TTN: variants seen among roughly 807,000 people sequenced by gnomAD.
TTN encodes connectin.
Under a neutral mutation model 3,223.0 loss-of-function variants are expected in TTN, and 1,525 were observed. The observed-to-expected ratio is 0.47, with a 90% confidence interval of 0.45 to 0.49. The LOEUF (loss-of-function observed/expected upper bound fraction) is 0.49, where lower values mean the gene tolerates loss of function less well. Ranked by LOEUF, TTN falls within the 20% of genes least tolerant of loss-of-function variation. The pLI, the probability that TTN is intolerant of heterozygous loss-of-function variation, is 0.00. For missense variants in TTN, 40,786 were observed against 43,424.0 expected, an observed-to-expected ratio of 0.94 and a Z score of 5.40; for synonymous variants, 14,094 against 15,161.0, an observed-to-expected ratio of 0.93 and a Z score of 5.17.
chr2:178,785,104 G>C (rs975764123), intron 15 of TTN, among the ~76,000 whole-genome samples: 6 of 152,130 alleles, frequency 3.9e-5, no homozygotes, highest in African/African-American at 1.4e-4. Flanking sequence ...GGAGAAGATA[G>C]GGCACTAATC....
At position 178,564,967 on chromosome 2, in the gene TTN, T is replaced by G; in HGVS notation, c.81165A>C (p.Lys27055Asn). The G allele has an allele frequency of 6.2e-7, 1 of 1,612,076 alleles. No homozygotes were observed. The highest frequency in any genetic ancestry group is 2.2e-5 in the East Asian group (1 of 44,834). The change falls in exon 326 of 363, where the codon AAA (lysine) becomes AAC (asparagine). Residue 27055 changes from lysine to asparagine, a missense_variant. Physicochemically the swap from Lys to Asn is moderately conservative, Grantham distance 94. Transcript: ENST00000589042. ...FRIFAENRYG[K>N]SAPLDSKAVI... is the part of the protein sequence containing the mutation. ...CTGCCTTAGAATCCAGTGGGGCACT[T>G]TTTCCATACCTGTTTTCAGCAAAAA...
Position 178,559,292 on chromosome 2 carries a change from C to T in TTN, c.86821+19G>A. The stretch of plus-strand genomic sequence containing the variant: ...AAATTAACGTGGATATGTAGAATTT[C>T]CTTATTCTTAAAACATACCTGTTAT... On this transcript the variant is annotated intron_variant, in intron 326 of 362. Transcript: ENST00000589042. 6.5e-7 allele frequency: 1 copy of T among 1,548,910 alleles called. No individual in the cohort carries two copies. Among genetic ancestry groups the T allele is most frequent in the Non-Finnish European group, 8.7e-7 (1 of 1,148,508 alleles).
At position 178,534,519 on chromosome 2, in the gene TTN, A is replaced by G. The variant is rs771155641; in HGVS notation, c.102096T>C (p.Tyr34032=). 2.5e-6 allele frequency: 4 copies of G among 1,613,758 alleles called. No individual in the cohort carries two copies. Among genetic ancestry groups the G allele is most frequent in the Admixed American group, 1.7e-5 (1 of 59,996 alleles). Residue 34032 remains tyrosine, a synonymous_variant, in exon 358 of 363, where the codon TAT becomes TAC. Transcript: ENST00000589042. The part of the protein sequence containing the change: ...QIIENIMNAE[Y]TFDEEAFKEI... Reference sequence around the variant, plus strand: ...CTTTGAATGCTTCCTCATCGAAAGTATATTCAGCATTCATGATATTCTCAA... The same window carrying G: ...CTTTGAATGCTTCCTCATCGAAAGTGTATTCAGCATTCATGATATTCTCAA...
intron 99 of TTN, among the ~76,000 whole-genome samples, chr2:178,709,073 G>A (rs1244499033): frequency 6.6e-6 from 1 of 151,998 alleles, no homozygotes; most frequent in African/African-American, 2.4e-5. Context: ...TTTTGTCTGG[G>A]ATTAATATTT....
At chr2:178,804,723 A>G (rs2094232008) in intron 1 of TTN, 68 bp from the exon 2 acceptor site, 6 of 1,409,352 alleles carry the variant, frequency 4.3e-6, no homozygotes, top group Middle Eastern at 2.3e-4. Context: ...CTTTGCAGAT[A>G]GCAGAGACAC....
In TTN at chr2:178,582,389, C is replaced by G. The variant is rs1060500452; in HGVS notation, c.66067G>C (p.Gly22023Arg). 5 of 1,612,756 alleles carry G rather than the reference C, an allele frequency of 3.1e-6. No individual in the cohort carries two copies. In the South Asian group the frequency reaches 5.5e-5, roughly 18 times the overall value. The change falls in exon 314 of 363, where the codon GGC becomes CGC. Residue 22023 changes from glycine (G) to arginine (R), a missense_variant. Coordinates refer to ENST00000589042, the MANE Select transcript of TTN (RefSeq NM_001267550.2). ...CAAATACGGAACTGATACTCATGGC[C>G]CTCTATAAGTTTCTCCACGCTGCAG... ...TSCSVEKLIE[G>R]HEYQFRICAE...
At chr2:178,790,938 TTAG>T in intron 10 of TTN, 93 bp from the exon 11 acceptor site, 1 of 1,470,914 alleles carries the variant, frequency 6.8e-7, no homozygotes, top group Non-Finnish European at 9.4e-7. Context: ...TACAGGATGC[TTAG>T]TGGTGAACGA....
rs753211312 is a variant in TTN, at chr2:178,642,230, A to G, written c.40558+7T>C. On this transcript the variant is annotated splice_region_variant and intron_variant, in intron 219 of 362. Coordinates refer to ENST00000589042, the MANE Select transcript of TTN (RefSeq NM_001267550.2). ...AACGCTGACAGAATGGTTGAAAAAT[A>G]CTATACCGCTTTTCAGAACAACTTC... 1 of 1,574,430 alleles carries G rather than the reference A, an allele frequency of 6.4e-7. No homozygotes were observed. The highest frequency in any genetic ancestry group is 8.6e-7 in the Non-Finnish European group (1 of 1,158,338).
At chr2:178,760,564 G>T (rs1162538287) in intron 43 of TTN, among the ~76,000 whole-genome samples, 1 of 152,158 alleles carries the variant, frequency 6.6e-6, no homozygotes, top group Non-Finnish European at 1.5e-5. Context: ...CAACTTGTCA[G>T]CTGTGTGGCC....
At position 178,531,832 on chromosome 2, in the gene TTN, T is replaced by C. The variant is rs1470980085; in HGVS notation, c.104783A>G (p.Tyr34928Cys). ...LKTQKTSERK[Y>C]EVLSQQPFTL... is the part of the protein sequence containing the mutation. The stretch of plus-strand genomic sequence containing the variant: ...GAAAGGCTGCTGACTCAAAACTTCA[T>C]ACTTCCTTTCTGATGTCTTCTGAGT... Residue 34928 changes from tyrosine (Y) to cysteine (C), a missense_variant, in exon 358 of 363, where the codon TAT becomes TGT. Physicochemically the swap from Tyr to Cys is radical, Grantham distance 194. Coordinates refer to ENST00000589042, the MANE Select transcript of TTN (RefSeq NM_001267550.2). The C allele has an allele frequency of 2.5e-6, 4 of 1,613,930 alleles. No individual in the cohort carries two copies. Among genetic ancestry groups the C allele is most frequent in the African/African-American group, 2.7e-5 (2 of 75,050 alleles).
chr2:178,668,672 C>T (rs1334960500), intron 159 of TTN, among the ~76,000 whole-genome samples: 2 of 149,252 alleles, frequency 1.3e-5, no homozygotes, highest in African/African-American at 2.5e-5. Flanking sequence ...ACGGAGGTTG[C>T]AGTGAGCCAA....
Position 178,589,320 on chromosome 2 carries a change from G to A in TTN, c.62405C>T (p.Ala20802Val), listed in dbSNP as rs1285688683. 1 of 1,612,726 alleles carries A rather than the reference G, an allele frequency of 6.2e-7. No individual in the cohort carries two copies. The highest frequency in any genetic ancestry group is 1.7e-5 in the Admixed American group (1 of 59,920). ...TGTAGCGTCTTTGTCCTTGGTCCAT[G>A]CAACTTCTGGGAATGGTTTGCCTCT... is the stretch of plus-strand genomic sequence containing the variant. ...GVRGKPFPEV[A>V]WTKDKDATDL... The change falls in exon 304 of 363, where the codon GCA (alanine) becomes GTA (valine). Residue 20802 changes from alanine to valine, a missense_variant. Physicochemically the swap from Ala to Val is moderately conservative, Grantham distance 64 (BLOSUM62 0). Coordinates refer to ENST00000589042, the MANE Select transcript of TTN (RefSeq NM_001267550.2).
In TTN at chr2:178,617,172, A is replaced by G; in HGVS notation, c.47823T>C (p.Gly15941=). 6.2e-7 allele frequency: 1 copy of G among 1,601,852 alleles called. No individual in the cohort carries two copies. The highest frequency in any genetic ancestry group is 8.5e-7 in the Non-Finnish European group (1 of 1,173,650). ...LYRVSAENKA[G]VSDPSEILGP... The stretch of plus-strand genomic sequence containing the variant: ...CAAGAATTTCAGATGGATCTGAAAC[A>G]CCAGCTTTATTTTCTGCAGATACTC... The change falls in exon 255 of 363, where the codon GGT becomes GGC. Residue 15941 remains glycine, a synonymous_variant. Coordinates refer to ENST00000589042, the MANE Select transcript of TTN (RefSeq NM_001267550.2).
At chr2:178,752,735 C>T (rs1047733499) in intron 47 of TTN, among the ~76,000 whole-genome samples, 5 of 152,056 alleles carry the variant, frequency 3.3e-5, no homozygotes, top group South Asian at 2.1e-4. Flanking sequence ...CATGACATTG[C>T]ATTCTGAGAA....
chr2:178,766,996 T>G (rs986105272), intron 40 of TTN, among the ~76,000 whole-genome samples: 1 of 152,224 alleles, frequency 6.6e-6, no homozygotes, highest in Non-Finnish European at 1.5e-5. Flanking sequence ...ATAATAACTT[T>G]GTGGGCTAGG....
chr2:178,630,999 T>C, intron 237 of TTN, 35 bp downstream of exon 237: 2 of 1,612,066 alleles, frequency 1.2e-6, no homozygotes, highest in South Asian at 1.1e-5. Flanking sequence ...ATAACCCCAA[T>C]GCTTCAAGAG....
intron 344 of TTN, among the ~76,000 whole-genome samples, chr2:178,545,105 T>C (rs1279671837): frequency 5.9e-5 from 9 of 152,214 alleles, no homozygotes; most frequent in Admixed American, 5.9e-4. Context: ...AATGCATTTT[T>C]CTCTAAGGAA....
chr2:178,630,241 G>T lies in TTN; in HGVS notation c.44281C>A (p.Pro14761Thr), dbSNP rs192766485. 1.2e-6 allele frequency: 2 copies of T among 1,612,466 alleles called. No individual in the cohort carries two copies. Among genetic ancestry groups the T allele is most frequent in the Admixed American group, 1.7e-5 (1 of 59,864 alleles). The stretch of plus-strand genomic sequence containing the variant: ...TCCCTGAAAAATATACAATACTTAC[G>T]CTTAACTCGGAGGTGGGCACTAGAT... ...VKSSAHLRVK[P>T]RVIGLLRPLK... is the part of the protein sequence containing the mutation. The change falls in exon 239 of 363, where the codon CCA (proline) becomes ACA (threonine). Residue 14761 changes from proline to threonine, a missense_variant and splice_region_variant. Transcript: ENST00000589042.
rs768987204 is a variant in TTN at position 178,551,795 on chromosome 2, T to C, written c.91105A>G (p.Ile30369Val). Residue 30369 changes from isoleucine (I) to valine (V), a missense_variant, in exon 335 of 363, where the codon ATC (isoleucine) becomes GTC (valine). Ile to Val is a conservative substitution (Grantham distance 29). Coordinates refer to ENST00000589042, the MANE Select transcript of TTN (RefSeq NM_001267550.2). ...FHVEKKERNS[I>V]LWQKVNTSPI... ...GATGTATTAACTTTTTGCCAGAGGATGCTATTTCTTTCTTTCTTTTCAACA... is the reference window on the plus strand; with the variant it reads ...GATGTATTAACTTTTTGCCAGAGGACGCTATTTCTTTCTTTCTTTTCAACA... 1 of 1,613,858 alleles carries C rather than the reference T, an allele frequency of 6.2e-7. No individual in the cohort carries two copies. The highest frequency in any genetic ancestry group is 8.5e-7 in the Non-Finnish European group (1 of 1,179,812).
Sources: gnomAD v4.1 joint callset for allele counts (sites outside exome capture counted in the v4.1 genomes callset) on GRCh38, gnomAD v4.1.1 for gene constraint, MANE v1.5 for transcripts, NCBI Gene and HGNC (gene_info 2026-07-23, HGNC 2026-07-21) for gene names.